The following RADX variants were observed in gnomAD, a reference collection of about 807,000 sequenced individuals.
RADX encodes the protein RPA-related protein RADX.
A neutral mutation model predicts 61.6 loss-of-function variants in RADX; 36 were observed. The ratio of observed to expected loss-of-function variants is 0.58; its 90% CI spans 0.45 to 0.77. RADX has a LOEUF of 0.77. Ranked by LOEUF, RADX falls within the 30% of genes least tolerant of loss-of-function variation. The probability of loss-of-function intolerance (pLI) is 0.00; values close to 1 mark genes in which losing one functional copy is unlikely to be tolerated. For synonymous variants in RADX, 272 were observed against 237.9 expected, an observed-to-expected ratio of 1.14 and a Z score of -1.32; for missense variants, 497 against 651.1, an observed-to-expected ratio of 0.76 and a Z score of 2.58.
chrX:106,634,878 C>T (rs940695082), intron 6 of RADX, among the ~76,000 whole-genome samples: 9 of 112,153 alleles, frequency 8.0e-5, no homozygotes, highest in Admixed American at 4.7e-4. Flanking sequence ...AAAGATTTCT[C>T]GCAGGAACTT....
intron 3 of RADX, among the ~76,000 whole-genome samples, chrX:106,629,646 A>G (rs1461858268): frequency 8.9e-6 from 1 of 111,868 alleles, no homozygotes; most frequent in African/African-American, 3.2e-5. Context: ...TATTCCAGAG[A>G]CTAGACTAGA....
chrX:106,654,386 AT>A (rs1013575172), intron 11 of RADX, among the ~76,000 whole-genome samples: 2 of 110,152 alleles, frequency 1.8e-5, no homozygotes, highest in Non-Finnish European at 3.8e-5. Context: ...GGGGTTGTTT[AT>A]TTTTTTCTTG....
intron 6 of RADX, among the ~76,000 whole-genome samples, chrX:106,633,465 C>T (rs1230213076): frequency 4.5e-5 from 5 of 111,205 alleles, no homozygotes; most frequent in Non-Finnish European, 9.4e-5. Context: ...GGGATTGAAA[C>T]CAGTTTTTCA....
chrX:106,648,427 G>A (rs1208415843), intron 11 of RADX, 41 bp downstream of exon 11: 4 of 899,973 alleles, frequency 4.4e-6, no homozygotes, highest in Non-Finnish European at 6.5e-6. Flanking sequence ...AAAACTTTAT[G>A]AAACATTATT....
Position 106,662,313 on chromosome X carries a change from C to G in RADX, c.2269+8C>G. The G allele has an allele frequency of 6.9e-6, 8 of 1,167,721 alleles. No individual in the cohort carries two copies. Among genetic ancestry groups the G allele is most frequent in the Non-Finnish European group, 9.2e-6 (8 of 870,115 alleles). ...TTGAAGTAACCATACTAGGTAAGTT[C>G]ACTGTTCTTTTTGCATATCATTAAT... On this transcript the variant is annotated splice_region_variant and intron_variant, in intron 12 of 13. Coordinates refer to ENST00000372548, the MANE Select transcript of RADX (RefSeq NM_018015.6).
chrX:106,612,074 T>C lies in RADX; in HGVS notation c.-7T>C. On this transcript the variant is annotated 5_prime_UTR_variant, in exon 1 of 14. Transcript: ENST00000372548. Reference sequence around the variant, plus strand: ...TGGGAGTGAAGCGGGTACGCAGTTATCCAACAATGTCTGGTGAGTCAGGAC... The same window carrying C: ...TGGGAGTGAAGCGGGTACGCAGTTACCCAACAATGTCTGGTGAGTCAGGAC... 8.3e-7 allele frequency: 1 copy of C among 1,198,275 alleles called. No homozygotes were observed. The highest frequency in any genetic ancestry group is 1.1e-6 in the Non-Finnish European group (1 of 889,256).
chrX:106,672,133 G>A (rs1029631621), intron 13 of RADX, among the ~76,000 whole-genome samples: 8 of 111,489 alleles, frequency 7.2e-5, no homozygotes, highest in Non-Finnish European at 1.3e-4. Context: ...TTTTTATTGC[G>A]ATAAAACATA....
Position 106,654,079 on chromosome X carries a change from A to G in RADX, c.1978+5693A>G, listed in dbSNP as rs186083891. Among the ~76,000 whole-genome samples, 5 of 111,402 alleles carry G rather than the reference A, an allele frequency of 4.5e-5. No individual in the cohort carries two copies. In the East Asian group the frequency reaches 1.4e-3, roughly 32 times the overall value. On this transcript the variant is annotated intron_variant, in intron 11 of 13. Coordinates refer to ENST00000372548, the MANE Select transcript of RADX (RefSeq NM_018015.6). ...TAATGGGATTGCTGGGTCAAATGGT[A>G]TTTCTGGTTCTAGATCCTTGAGGAA...
At chrX:106,647,886 A>G (rs1260706251) in intron 10 of RADX, among the ~76,000 whole-genome samples, 1 of 110,263 alleles carries the variant, frequency 9.1e-6, no homozygotes, top group Non-Finnish European at 1.9e-5. Flanking sequence ...TTTCCTTTAC[A>G]GTTTTATTTG....
intron 11 of RADX, among the ~76,000 whole-genome samples, chrX:106,652,524 T>C (rs192774997): frequency 9.0e-6 from 1 of 110,568 alleles, no homozygotes; most frequent in East Asian, 2.9e-4. Context: ...TATAGGATGA[T>C]AAATGGACAT....
intron 11 of RADX, among the ~76,000 whole-genome samples, chrX:106,654,503 G>A (rs376801366): frequency 9.0e-6 from 1 of 111,109 alleles, no homozygotes; most frequent in East Asian, 2.9e-4. Flanking sequence ...CAAGCAATGG[G>A]GAAAGGATTC....
At chrX:106,630,233 A>C (rs1458957044) in intron 3 of RADX, among the ~76,000 whole-genome samples, 1 of 110,765 alleles carries the variant, frequency 9.0e-6, no homozygotes, top group Non-Finnish European at 1.9e-5. Flanking sequence ...GCTGAGGAGA[A>C]AGGATTGCTT....
intron 10 of RADX, among the ~76,000 whole-genome samples, chrX:106,646,578 G>A (rs761858983): frequency 2.7e-5 from 3 of 111,033 alleles, no homozygotes; most frequent in Non-Finnish European, 3.8e-5. Flanking sequence ...CATATACAAG[G>A]GGCAGTTAGC....
At chrX:106,662,981 A>C (rs780567234) in intron 12 of RADX, among the ~76,000 whole-genome samples, 1 of 111,097 alleles carries the variant, frequency 9.0e-6, no homozygotes, top group African/African-American at 3.3e-5. Context: ...ATTCTAAAAC[A>C]AAATCTTAGT....
chrX:106,648,194 A>G (rs1927710014), intron 10 of RADX, 119 bp from the exon 11 acceptor site: 3 of 420,500 alleles, frequency 7.1e-6, no homozygotes, highest in Admixed American at 7.5e-5. Flanking sequence ...CAACAAACTT[A>G]ACCTGTATAT....
intron 13 of RADX, among the ~76,000 whole-genome samples, chrX:106,673,055 C>A (rs755670979): frequency 9.0e-6 from 1 of 111,677 alleles, no homozygotes; most frequent in African/African-American, 3.3e-5. Flanking sequence ...CAGGGCAGGT[C>A]CAGAAATACC....
intron 11 of RADX, among the ~76,000 whole-genome samples, chrX:106,651,222 A>T (rs1287175288): frequency 3.6e-5 from 4 of 110,880 alleles, no homozygotes; most frequent in Admixed American, 9.6e-5. Context: ...TACCAGAGAT[A>T]AAAAAAAGAC....
At chrX:106,643,163 C>T (rs5962352) in intron 10 of RADX, among the ~76,000 whole-genome samples, 18,538 of 110,796 alleles carry the variant, frequency 0.17, 3,866 homozygotes, top group African/African-American at 0.58. Flanking sequence ...CTTTTGCCCG[C>T]TTTTTATTGC....
chrX:106,613,604 T>A (rs1056816669), intron 1 of RADX, among the ~76,000 whole-genome samples: 8 of 112,224 alleles, frequency 7.1e-5, no homozygotes, highest in African/African-American at 2.6e-4. Flanking sequence ...GTCACAATGC[T>A]AAATCACGGA....
Sources: gnomAD v4.1 joint callset for allele counts (sites outside exome capture counted in the v4.1 genomes callset) on GRCh38, gnomAD v4.1.1 for gene constraint, MANE v1.5 for transcripts, NCBI Gene and HGNC (gene_info 2026-07-23, HGNC 2026-07-21) for gene names.